Variants in EBP observed in about 807,000 individuals in gnomAD.
EBP encodes EBP cholestenol delta-isomerase.
In EBP, 1 loss-of-function variant was observed where a neutral mutation model predicts 14.1. The observed-to-expected ratio is 0.07, with a 90% CI of 0.03 to 0.34. The LOEUF (loss-of-function observed/expected upper bound fraction) is 0.34. Ranked by LOEUF, EBP falls within the 10% of genes least tolerant of loss-of-function variation. The pLI is 0.99. For missense variants in EBP, 123 were observed against 184.6 expected (o/e 0.67, Z 1.93); for synonymous variants, 72 against 77.7 (o/e 0.93, Z 0.38).
At chrX:48,527,336 G>A (rs781800135) in intron 4 of EBP, 51 bp downstream of exon 4, 3 of 1,207,952 alleles carry the variant, frequency 2.5e-6, no homozygotes, top group South Asian at 1.8e-5. Flanking sequence ...GTTGATGGGG[G>A]ATCCACAGAC....
chrX:48,524,185 T>G (rs1400002043), intron 2 of EBP, 113 bp downstream of exon 2: 1 of 782,262 alleles, frequency 1.3e-6, no homozygotes, highest in Non-Finnish European at 1.8e-6. Context: ...TAAATTTTTA[T>G]TTAATCTTTT....
chrX:48,523,565 A>C (rs1159009014), intron 1 of EBP, 134 bp from the exon 2 acceptor site: 7 of 452,872 alleles, frequency 1.5e-5, no homozygotes, highest in Non-Finnish European at 2.5e-5. Flanking sequence ...AAAAAAAAAA[A>C]AAAAACGGAA....
At chrX:48,527,624 A>G (rs1179981886) in intron 4 of EBP, 2 of 277,310 alleles carry the variant, frequency 7.2e-6, no homozygotes, top group African/African-American at 5.6e-5. Flanking sequence ...TATTTTTTTT[A>G]AAACAGGGTC....
Position 48,527,020 on chromosome X carries a change from C to T in EBP, c.333C>T (p.Tyr111=), listed in dbSNP as rs2061781158. ...WKEYAKGDSR[Y]ILGDNFTVCM... The stretch of plus-strand genomic sequence containing the variant: ...AGTATGCCAAGGGAGACAGCCGATA[C>T]ATCCTGTAAGTGTTTGCCTCTGTCA... Residue 111 remains tyrosine (Y), a synonymous_variant, in exon 3 of 5, where the codon TAC becomes TAT. Coordinates refer to ENST00000495186, the MANE Select transcript of EBP (RefSeq NM_006579.3). 11 of 1,211,802 alleles carry T rather than the reference C, an allele frequency of 9.1e-6. No homozygotes were observed. The highest frequency in any genetic ancestry group is 6.7e-6 in the Non-Finnish European group (6 of 895,394).
At chrX:48,524,382 C>T (rs1022984311) in intron 2 of EBP, 21 of 167,083 alleles carry the variant, frequency 1.3e-4, no homozygotes, top group Non-Finnish European at 2.2e-5. Context: ...AATCCCAGCA[C>T]TTTGGGAGGC....
At chrX:48,527,522 G>A in intron 4 of EBP, 1 of 483,870 alleles carries the variant, frequency 2.1e-6, no homozygotes, top group Admixed American at 4.0e-5. Flanking sequence ...AAAGTCTCCT[G>A]TGAAGGTTAC....
In EBP at chrX:48,523,729, T is replaced by A. The variant is rs1569479567; in HGVS notation, c.-43T>A. ...TCTGTTCCTTTTTTTTTTTTTTTTT[T>A]AACTTCCTGCCTATACACACGCAGC... is the stretch of plus-strand genomic sequence containing the variant. On this transcript the variant is annotated 5_prime_UTR_variant, in exon 2 of 5. Coordinates refer to ENST00000495186, the MANE Select transcript of EBP (RefSeq NM_006579.3). The A allele has an allele frequency of 9.6e-6, 10 of 1,042,244 alleles. No individual in the cohort carries two copies. The Admixed American group carries it at 1.5e-4, about 16-fold the overall frequency. The allele number at this position is 1,042,244 out of a possible 1,213,427, so 85.9% of individuals were successfully genotyped here. A position where few individuals can be genotyped will look rare whatever the true frequency, so the allele number is the denominator to read the frequency against.
chrX:48,528,181 G>A (rs901498445), intron 4 of EBP, 53 bp from the exon 5 acceptor site: 17 of 1,082,671 alleles, frequency 1.6e-5, no homozygotes, highest in African/African-American at 5.5e-5. Flanking sequence ...GAGAATTGGC[G>A]AAAGTGTCCC....
At chrX:48,526,085 G>A (rs2061778112) in intron 2 of EBP, among the ~76,000 whole-genome samples, 3 of 50,354 alleles carry the variant, frequency 6.0e-5, no homozygotes, top group Non-Finnish European at 9.4e-5. Flanking sequence ...GCAAGGCTCC[G>A]TCTCAAAAAA....
At chrX:48,522,003 G>GCCCT (rs2061762908) in intron 1 of EBP, 96 bp downstream of exon 1, 1 of 86,570 alleles carries the variant, frequency 1.2e-5, no homozygotes, top group African/African-American at 4.5e-5. Flanking sequence ...TTTGCCACCC[G>GCCCT]CCCCCCCCAC....
At chrX:48,527,326 G>A in intron 4 of EBP, 41 bp downstream of exon 4, 1 of 1,209,292 alleles carries the variant, frequency 8.3e-7, no homozygotes, top group Non-Finnish European at 1.1e-6. Context: ...CACTAGAGGG[G>A]TTGATGGGGG....
At position 48,527,300 on chromosome X, in the gene EBP, C is replaced by T. The variant is rs1252579867; in HGVS notation, c.469+15C>T. On this transcript the variant is annotated intron_variant, in intron 4 of 4. Coordinates refer to ENST00000495186, the MANE Select transcript of EBP (RefSeq NM_006579.3). The stretch of plus-strand genomic sequence containing the variant: ...GGTCTCTGTGGGTAAGGAAAGGGCA[C>T]TAGAGGGGCACTGGGCACTAGAGGG... 1.1e-5 allele frequency: 13 copies of T among 1,208,720 alleles called. No homozygotes were observed. Among genetic ancestry groups the T allele is most frequent in the African/African-American group, 1.8e-5 (1 of 56,997 alleles).
rs1556977011 is a variant in EBP, at chrX:48,523,795, G to T, written c.24G>T (p.Leu8Phe). The change falls in exon 2 of 5, where the codon TTG (leucine) becomes TTT (phenylalanine). Residue 8 changes from leucine (L) to phenylalanine (F), a missense_variant. Leu to Phe is a conservative substitution (Grantham distance 22). Coordinates refer to ENST00000495186, the MANE Select transcript of EBP (RefSeq NM_006579.3). ...ACATGACTACCAACGCGGGCCCCTT[G>T]CACCCATACTGGCCTCAGCACCTAA... Reference protein sequence around the residue: MTTNAGPLHPYWPQHLRL... With the variant: MTTNAGPFHPYWPQHLRL... 1 of 1,200,698 alleles carries T rather than the reference G, an allele frequency of 8.3e-7. No homozygotes were observed. Among genetic ancestry groups the T allele is most frequent in the East Asian group, 3.0e-5 (1 of 33,462 alleles).
chrX:48,523,585 A>C, intron 1 of EBP, 114 bp from the exon 2 acceptor site: 1 of 457,069 alleles, frequency 2.2e-6, no homozygotes. Context: ...ATGTAATTAG[A>C]AGTGTTACAA....
intron 4 of EBP, 57 bp downstream of exon 4, chrX:48,527,342 C>T: frequency 8.3e-7 from 1 of 1,205,993 alleles, no homozygotes; most frequent in Non-Finnish European, 1.1e-6. Flanking sequence ...GGGGGATCCA[C>T]AGACACAGAT....
chrX:48,527,490 C>T, intron 4 of EBP: 1 of 553,300 alleles, frequency 1.8e-6, no homozygotes, highest in Non-Finnish European at 2.8e-6. Context: ...CATTTTTCTT[C>T]CTCCTCCTCC....
chrX:48,526,041 T>A (rs2061777917), intron 2 of EBP, among the ~76,000 whole-genome samples: 1 of 94,580 alleles, frequency 1.1e-5, no homozygotes, highest in East Asian at 3.2e-4. Context: ...GAGCTGAGAT[T>A]GCGCCACTGC....
At chrX:48,524,780 C>T (rs2061774271) in intron 2 of EBP, 1 of 109,544 alleles carries the variant, frequency 9.1e-6, no homozygotes, top group South Asian at 4.1e-4. Flanking sequence ...CCTCCAACTC[C>T]TGGGTTCAAG....
chrX:48,528,206 C>G, intron 4 of EBP, 28 bp from the exon 5 acceptor site: 6 of 1,173,402 alleles, frequency 5.1e-6, no homozygotes, highest in Non-Finnish European at 6.9e-6. Flanking sequence ...CTCACTGGGG[C>G]TTCTCCTTCC....
Sources: allele counts gnomAD v4.1 joint callset (sites outside exome capture counted in the v4.1 genomes callset), GRCh38; gene constraint gnomAD v4.1.1; transcripts MANE v1.5; gene names NCBI Gene and HGNC (gene_info 2026-07-23, HGNC 2026-07-21).